DSG3: variants seen among roughly 807,000 people sequenced by gnomAD.
DSG3 encodes desmoglein 3.
A neutral mutation model predicts 85.9 loss-of-function variants in DSG3; 63 were observed. The observed-to-expected ratio is 0.73, with a 90% CI of 0.60 to 0.90. The LOEUF (loss-of-function observed/expected upper bound fraction) is 0.90. DSG3 is among the 40% of genes least tolerant of loss of function. The probability of loss-of-function intolerance (pLI) is 0.00; values close to 1 mark genes in which losing one functional copy is unlikely to be tolerated. For synonymous variants in DSG3, 447 were observed against 441.9 expected (o/e 1.01, Z -0.14); for missense variants, 1,220 against 1,219.9 (o/e 1.00, Z 0.00).
chr18:31,448,451 T>C (rs970032224), intron 1 of DSG3, among the ~76,000 whole-genome samples: 2 of 152,202 alleles, frequency 1.3e-5, no homozygotes, highest in African/African-American at 4.8e-5. Context: ...TATGTTTAGC[T>C]ATTATGTGCC....
At chr18:31,461,166 A>C in intron 7 of DSG3, 61 bp from the exon 8 acceptor site, 2 of 1,412,562 alleles carry the variant, frequency 1.4e-6, no homozygotes, top group Non-Finnish European at 1.9e-6. Context: ...TTTAGAAGAA[A>C]CATAATCTCT....
At chr18:31,471,169 A>C (rs1291530403) in intron 12 of DSG3, among the ~76,000 whole-genome samples, 1 of 152,202 alleles carries the variant, frequency 6.6e-6, no homozygotes, top group Admixed American at 6.5e-5. Context: ...ATAAAGGACA[A>C]GTGTGCAGTG....
At chr18:31,462,088 T>G (rs928237473) in intron 8 of DSG3, among the ~76,000 whole-genome samples, 1 of 151,214 alleles carries the variant, frequency 6.6e-6, no homozygotes, top group Non-Finnish European at 1.5e-5. Context: ...TTTTGTTTTT[T>G]TTGAGACAAG....
chr18:31,469,473 G>T, intron 12 of DSG3, 124 bp downstream of exon 12: 1 of 1,353,682 alleles, frequency 7.4e-7, no homozygotes. Flanking sequence ...GGTAAAGCTA[G>T]GGGAAAATGG....
intron 1 of DSG3, among the ~76,000 whole-genome samples, chr18:31,452,884 C>A (rs11081700): frequency 6.6e-6 from 1 of 151,982 alleles, no homozygotes; most frequent in Non-Finnish European, 1.5e-5. Context: ...TTAAGAATAT[C>A]CAGGGATATT....
intron 8 of DSG3, among the ~76,000 whole-genome samples, chr18:31,462,498 G>A (rs1273907877): frequency 6.6e-6 from 1 of 152,288 alleles, no homozygotes; most frequent in Admixed American, 6.5e-5. Flanking sequence ...CTTTGTTACT[G>A]TACTCTTTGG....
At chr18:31,469,905 A>G (rs1045553211) in intron 12 of DSG3, among the ~76,000 whole-genome samples, 1 of 152,116 alleles carries the variant, frequency 6.6e-6, no homozygotes, top group South Asian at 2.1e-4. Flanking sequence ...CTAGGTTCTG[A>G]GAAGTTATTG....
At chr18:31,448,094 T>TTTTG (rs10634537) in intron 1 of DSG3, among the ~76,000 whole-genome samples, 169 bp downstream of exon 1, 58,901 of 151,936 alleles carry the variant, frequency 0.39, 13,687 homozygotes, top group African/African-American at 0.67. Context: ...TTTTGTTGTT[T>TTTTG]TTTATGTTGT....
At chr18:31,475,196 G>A (rs984070003) in intron 15 of DSG3, among the ~76,000 whole-genome samples, 1 of 152,188 alleles carries the variant, frequency 6.6e-6, no homozygotes, top group Admixed American at 6.5e-5. Context: ...AGATTAGTGG[G>A]CAGAGAGGCA....
Position 31,458,459 on chromosome 18 carries a change from C to G in DSG3, c.231C>G (p.Tyr77Ter), listed in dbSNP as rs781195550. The change falls in exon 4 of 16, where the codon TAC (tyrosine) becomes TAG (stop). Residue 77 changes from tyrosine (Y) to a stop codon, truncating the protein, a stop_gained. Coordinates refer to ENST00000257189, the MANE Select transcript of DSG3 (RefSeq NM_001944.3). LOFTEE classifies it high-confidence loss of function. ...RNPIAKITSD[Y>*]QATQKITYRI... ...TGGGGCTGTAGATTACTTCAGATTA[C>G]CAAGCAACCCAGAAAATCACCTACC... 3 of 1,613,764 alleles carry G rather than the reference C, an allele frequency of 1.9e-6. No homozygotes were observed. The highest frequency in any genetic ancestry group is 3.3e-5 in the Admixed American group (2 of 59,990).
chr18:31,454,299 G>T (rs8093256), intron 1 of DSG3, among the ~76,000 whole-genome samples: 40,899 of 152,104 alleles, frequency 0.27, 6,110 homozygotes, highest in African/African-American at 0.41. Context: ...ATTTTTATGC[G>T]CTGAGAAAGG....
intron 14 of DSG3, among the ~76,000 whole-genome samples, chr18:31,473,433 A>G (rs769849254): frequency 5.3e-5 from 8 of 152,244 alleles, no homozygotes; most frequent in Non-Finnish European, 8.8e-5. Context: ...AAGAACAATA[A>G]TACTTAATGC....
At chr18:31,452,884 C>G (rs11081700) in intron 1 of DSG3, among the ~76,000 whole-genome samples, 1 of 151,982 alleles carries the variant, frequency 6.6e-6, no homozygotes, top group Non-Finnish European at 1.5e-5. Context: ...TTAAGAATAT[C>G]CAGGGATATT....
chr18:31,448,655 C>CGAA (rs370758913), intron 1 of DSG3, among the ~76,000 whole-genome samples: 1 of 131,322 alleles, frequency 7.6e-6, no homozygotes, highest in Non-Finnish European at 1.7e-5. Flanking sequence ...GTTCTTATAG[C>CGAA]AAAAAAAAAA....
In DSG3 at chr18:31,472,789, G is replaced by A. The variant is rs775120764; in HGVS notation, c.2101+1G>A. 1 of 1,613,684 alleles carries A rather than the reference G, an allele frequency of 6.2e-7. No homozygotes were observed. The highest frequency in any genetic ancestry group is 1.1e-5 in the South Asian group (1 of 91,078). On this transcript the variant is annotated splice_donor_variant, in intron 14 of 15. Transcript: ENST00000257189. LOFTEE classifies it high-confidence loss of function. The stretch of plus-strand genomic sequence containing the variant: ...GGAGCCGATTTCATGGAAAGTTCTG[G>A]TAAGTGGACATAAAATGTTTGAAAG...
chr18:31,471,690 G>T (rs376251221), intron 12 of DSG3, among the ~76,000 whole-genome samples: 1 of 152,120 alleles, frequency 6.6e-6, no homozygotes, highest in African/African-American at 2.4e-5. Flanking sequence ...AGATATTTAC[G>T]CTGCCAGAAG....
chr18:31,467,379 G>A (rs1418886152), intron 11 of DSG3, among the ~76,000 whole-genome samples: 1 of 152,082 alleles, frequency 6.6e-6, no homozygotes, highest in Non-Finnish European at 1.5e-5. Flanking sequence ...TCACAGAGCT[G>A]TTTAGATTTC....
rs1174182442 is a variant in DSG3, at chr18:31,448,331, AC to A, written c.48+407del. On this transcript the variant is annotated intron_variant, in intron 1 of 15. Coordinates refer to ENST00000257189, the MANE Select transcript of DSG3 (RefSeq NM_001944.3). ...CTCTTAGCATATAGCTAAGAACTCT[AC>A]ACGCCTGGGCTTGATACCTGACACG... Among the ~76,000 whole-genome samples the A allele has an allele frequency of 2.6e-5, 4 of 152,224 alleles. No individual in the cohort carries two copies. The East Asian group carries it at 7.7e-4, about 29-fold the overall frequency.
rs751357504 is a variant in DSG3, at chr18:31,475,669, A to G, written c.2409A>G (p.Glu803=). Residue 803 remains glutamate, a synonymous_variant, in exon 16 of 16, where the codon GAA becomes GAG. Transcript: ENST00000257189. ...FSQKAFACAE[E]DDGQEANDCL... Reference sequence around the variant, plus strand: ...AGAAAGCATTTGCCTGTGCGGAGGAAGACGATGGCCAGGAAGCAAATGACT... The same window carrying G: ...AGAAAGCATTTGCCTGTGCGGAGGAGGACGATGGCCAGGAAGCAAATGACT... 1.2e-6 allele frequency: 2 copies of G among 1,613,978 alleles called. No individual in the cohort carries two copies. Among genetic ancestry groups the G allele is most frequent in the Admixed American group, 3.3e-5 (2 of 59,992 alleles).
Sources: gnomAD v4.1 joint callset for allele counts (sites outside exome capture counted in the v4.1 genomes callset) on GRCh38, gnomAD v4.1.1 for gene constraint, MANE v1.5 for transcripts, NCBI Gene and HGNC (gene_info 2026-07-23, HGNC 2026-07-21) for gene names.